The following VCAN variants were observed in gnomAD, a reference collection of about 807,000 sequenced individuals.
The protein encoded by VCAN is versican core protein.
In VCAN, 44 loss-of-function variants were observed where a neutral mutation model predicts 245.5. The ratio of observed to expected loss-of-function variants is 0.18; its 90% CI spans 0.14 to 0.23. VCAN has a LOEUF of 0.23. Among genes scored for constraint, VCAN ranks in the 10% least tolerant of loss-of-function variants. The probability of loss-of-function intolerance (pLI) is 1.00; values close to 1 mark genes in which losing one functional copy is unlikely to be tolerated. For synonymous variants in VCAN, 1,413 were observed against 1,437.0 expected, an observed-to-expected ratio of 0.98 and a Z score of 0.38; for missense variants, 3,793 against 4,057.9, an observed-to-expected ratio of 0.93 and a Z score of 1.77.
chr5:83,520,630 G>A lies in VCAN; in HGVS notation c.2324G>A (p.Gly775Asp). 1 of 1,613,920 alleles carries A rather than the reference G, an allele frequency of 6.2e-7. No homozygotes were observed. The highest frequency in any genetic ancestry group is 1.1e-5 in the South Asian group (1 of 91,078). The change falls in exon 7 of 15, where the codon GGT becomes GAT. Residue 775 changes from glycine to aspartate, a missense_variant. By Grantham distance (94) the Gly-to-Asp change is moderately conservative. This residue lies in a region of VCAN where 3,182 missense variants were observed against 3,250.3 expected (regional missense o/e 0.98). Coordinates refer to ENST00000265077, the MANE Select transcript of VCAN (RefSeq NM_004385.5). ...GAGGAAGACTTTACAGCAACTCCAG[G>A]TACTACAAAATATGATGAAAATATT... Reference protein sequence around the residue: ...DMEEDFTATPGTTKYDENITT... With the variant: ...DMEEDFTATPDTTKYDENITT...
intron 5 of VCAN, 83 bp from the exon 6 acceptor site, chr5:83,512,020 A>G (rs1306384216): frequency 1.9e-5 from 30 of 1,580,180 alleles, no homozygotes; most frequent in African/African-American, 2.7e-5. Context: ...ATGCTCCTCC[A>G]ATTCCTTCCC....
At chr5:83,524,841 G>A (rs1746232626) in intron 7 of VCAN, among the ~76,000 whole-genome samples, 1 of 152,086 alleles carries the variant, frequency 6.6e-6, no homozygotes, top group Non-Finnish European at 1.5e-5. Context: ...TGTGCCTGGA[G>A]AACCAACCTT....
intron 12 of VCAN, among the ~76,000 whole-genome samples, chr5:83,567,490 C>CT (rs1554043234): frequency 2.0e-5 from 3 of 151,326 alleles, no homozygotes; most frequent in Non-Finnish European, 4.4e-5. Context: ...TTAGTAGAGA[C>CT]GGGGTTTCAC....
Position 83,521,551 on chromosome 5 carries a change from C to A in VCAN, c.3245C>A (p.Thr1082Lys). The A allele has an allele frequency of 6.2e-7, 1 of 1,614,022 alleles. No homozygotes were observed. The highest frequency in any genetic ancestry group is 8.5e-7 in the Non-Finnish European group (1 of 1,180,012). ...AYTVSEDELL[T>K]GSERVPVLET... ...ACAGTCTCTGAAGATGAATTGTTGA[C>A]AGGTTCTGAGAGGGTCCCAGTTTTA... The change falls in exon 7 of 15, where the codon ACA becomes AAA. Residue 1082 changes from threonine (T) to lysine (K), a missense_variant. This residue lies in a region of VCAN where 3,182 missense variants were observed against 3,250.3 expected (regional missense o/e 0.98). Coordinates refer to ENST00000265077, the MANE Select transcript of VCAN (RefSeq NM_004385.5).
Position 83,580,034 on chromosome 5 carries a change from A to G in VCAN, c.9935A>G (p.Lys3312Arg), listed in dbSNP as rs746204388. The change falls in exon 14 of 15, where the codon AAA becomes AGA. Residue 3312 changes from lysine to arginine, a missense_variant. Physicochemically the swap from Lys to Arg is conservative, Grantham distance 26. This residue lies in a region of VCAN where 205 missense variants were observed against 321.1 expected (regional missense o/e 0.64). Transcript: ENST00000265077. Reference sequence around the variant, plus strand: ...AATGCCAAGACCTTTGGAAAGATGAAACCTCGTTATGAAATCAACTCCCTG... The same window carrying G: ...AATGCCAAGACCTTTGGAAAGATGAGACCTCGTTATGAAATCAACTCCCTG... ...VENAKTFGKM[K>R]PRYEINSLIR... 1 of 1,614,148 alleles carries G rather than the reference A, an allele frequency of 6.2e-7. No homozygotes were observed. Among genetic ancestry groups the G allele is most frequent in the Non-Finnish European group, 8.5e-7 (1 of 1,180,006 alleles).
intron 7 of VCAN, among the ~76,000 whole-genome samples, chr5:83,528,529 A>G (rs951695092): frequency 6.6e-6 from 1 of 152,086 alleles, no homozygotes; most frequent in Non-Finnish European, 1.5e-5. Flanking sequence ...TGAAAACCCG[A>G]GATACTCTGC....
intron 1 of VCAN, among the ~76,000 whole-genome samples, chr5:83,472,839 G>A (rs1250324235): frequency 6.6e-6 from 1 of 152,206 alleles, no homozygotes; most frequent in Admixed American, 6.5e-5. Flanking sequence ...GGAAAAGCCT[G>A]TTCTGAATCG....
chr5:83,526,223 C>T (rs978971585), intron 7 of VCAN, among the ~76,000 whole-genome samples: 1 of 152,144 alleles, frequency 6.6e-6, no homozygotes, highest in Admixed American at 6.5e-5. Context: ...CAGGCATGAG[C>T]CACTGCGCCC....
chr5:83,541,383 G>C lies in VCAN; in HGVS notation c.8380G>C (p.Glu2794Gln), dbSNP rs1258524498. Residue 2794 changes from glutamate to glutamine, a missense_variant, in exon 8 of 15, where the codon GAG becomes CAG. Glu to Gln is a conservative substitution (Grantham distance 29, BLOSUM62 2). Coordinates refer to ENST00000265077, the MANE Select transcript of VCAN (RefSeq NM_004385.5). ...TTHLMDQSVT[E>Q]VPDVMEGSNP... Reference sequence around the variant, plus strand: ...CCACCTTATGGATCAGAGTGTAACAGAGGTGCCTGATGTGATGGAAGGATC... The same window carrying C: ...CCACCTTATGGATCAGAGTGTAACACAGGTGCCTGATGTGATGGAAGGATC... The C allele has an allele frequency of 1.9e-6, 3 of 1,614,068 alleles. No homozygotes were observed. The highest frequency in any genetic ancestry group is 2.5e-6 in the Non-Finnish European group (3 of 1,179,994).
At position 83,541,675 on chromosome 5, in the gene VCAN, CT is replaced by C. The variant is rs773515705; in HGVS notation, c.8675del (p.Leu2892TyrfsTer7). On this transcript the variant is annotated frameshift_variant, in exon 8 of 15. Transcript: ENST00000265077. LOFTEE classifies it high-confidence loss of function. ...EEYLHITEPP[S>X]LSPDTKLEPS... is the part of the protein sequence containing the mutation. ...TACCTTCACATAACTGAGCCTCCCTCTTTATCTCCTGACACAAAATTAGAAC... is the reference window on the plus strand; with the variant it reads ...TACCTTCACATAACTGAGCCTCCCTCTTATCTCCTGACACAAAATTAGAAC... 1 of 1,613,886 alleles carries C rather than the reference CT, an allele frequency of 6.2e-7. No homozygotes were observed. The highest frequency in any genetic ancestry group is 8.5e-7 in the Non-Finnish European group (1 of 1,180,004).
Position 83,512,293 on chromosome 5 carries a change from C to T in VCAN, c.939C>T (p.Ala313=), listed in dbSNP as rs1321597849. The part of the protein sequence containing the change: ...SVRHPVTVAR[A]QCGGGLLGVR... ...GCCACCCTGTGACTGTGGCCAGGGCCCAGTGTGGAGGTGGTCTACTTGGGG... is the reference window on the plus strand; with the variant it reads ...GCCACCCTGTGACTGTGGCCAGGGCTCAGTGTGGAGGTGGTCTACTTGGGG... The change falls in exon 6 of 15, where the codon GCC becomes GCT. Residue 313 remains alanine, a synonymous_variant. Transcript: ENST00000265077. The T allele has an allele frequency of 6.2e-7, 1 of 1,613,962 alleles. No individual in the cohort carries two copies. The highest frequency in any genetic ancestry group is 8.5e-7 in the Non-Finnish European group (1 of 1,179,990).
chr5:83,508,260 C>T (rs1189333350), intron 5 of VCAN, among the ~76,000 whole-genome samples: 1 of 152,132 alleles, frequency 6.6e-6, no homozygotes, highest in Non-Finnish European at 1.5e-5. Context: ...TGACACATAC[C>T]AGAAACTTAG....
In VCAN at chr5:83,541,770, G is replaced by A; in HGVS notation, c.8767G>A (p.Val2923Met). 1 of 1,614,086 alleles carries A rather than the reference G, an allele frequency of 6.2e-7. No homozygotes were observed. The highest frequency in any genetic ancestry group is 8.5e-7 in the Non-Finnish European group (1 of 1,180,006). ...MEASPTELIA[V>M]EGTEILQDFQ... The stretch of plus-strand genomic sequence containing the variant: ...AGCTTCTCCCACAGAACTTATTGCT[G>A]TGGAAGGAACTGAGATTCTCCAAGA... Residue 2923 changes from valine (V) to methionine (M), a missense_variant, in exon 8 of 15, where the codon GTG becomes ATG. Transcript: ENST00000265077.
chr5:83,545,204 T>C (rs766027648), intron 8 of VCAN: 18 of 413,974 alleles, frequency 4.3e-5, no homozygotes, highest in Non-Finnish European at 7.2e-5. Context: ...TGTGCACATA[T>C]GTGTAATCAT....
At chr5:83,495,915 C>T (rs997620191) in intron 5 of VCAN, among the ~76,000 whole-genome samples, 33 of 152,224 alleles carry the variant, frequency 2.2e-4, no homozygotes, top group African/African-American at 5.8e-4. Context: ...AGAGACCCCC[C>T]GTGTGTTTGT....
At chr5:83,543,264 A>G (rs1435335034) in intron 8 of VCAN, among the ~76,000 whole-genome samples, 1 of 152,220 alleles carries the variant, frequency 6.6e-6, no homozygotes, top group Non-Finnish European at 1.5e-5. Flanking sequence ...GTTTTCCCAT[A>G]ATGTTATTAT....
intron 10 of VCAN, 77 bp from the exon 11 acceptor site, chr5:83,553,287 C>G: frequency 6.3e-7 from 1 of 1,583,832 alleles, no homozygotes. Context: ...CTTGGGTATC[C>G]TACTAACACT....
At chr5:83,474,354 G>T (rs569513374) in intron 1 of VCAN, among the ~76,000 whole-genome samples, 150 of 152,254 alleles carry the variant, frequency 9.9e-4, no homozygotes, top group Non-Finnish European at 1.6e-3. Context: ...TCGTTTCGGG[G>T]TTTGGGTCTG....
intron 1 of VCAN, among the ~76,000 whole-genome samples, chr5:83,472,526 C>G (rs1744232566): frequency 6.6e-6 from 1 of 152,170 alleles, no homozygotes; most frequent in Non-Finnish European, 1.5e-5. Flanking sequence ...TGGTCAGTGC[C>G]TGGTGTTCCT....
Sources: gnomAD v4.1 joint callset for allele counts (sites outside exome capture counted in the v4.1 genomes callset) on GRCh38, gnomAD v4.1.1 for gene constraint, gnomAD v4.1.1 regional missense constraint, MANE v1.5 for transcripts, NCBI Gene and HGNC (gene_info 2026-07-23, HGNC 2026-07-21) for gene names.